The following METTL15 variants were observed in gnomAD, a reference collection of about 807,000 sequenced individuals.
The protein encoded by METTL15 is methyltransferase 15, mitochondrial 12S rRNA N4-cytidine, also known as 12S rRNA N(4)-cytidine methyltransferase METTL15.
A neutral mutation model predicts 38.3 loss-of-function variants in METTL15; 34 were observed. The observed-to-expected ratio is 0.89, with a 90% CI of 0.68 to 1.18. The LOEUF is 1.18. METTL15 is among the 50% of genes most tolerant of loss of function. The probability of loss-of-function intolerance (pLI) is 0.00; values close to 1 mark genes in which losing one functional copy is unlikely to be tolerated. For missense variants in METTL15, 438 were observed against 498.4 expected, an observed-to-expected ratio of 0.88 and a Z score of 1.15; for synonymous variants, 162 against 170.9, an observed-to-expected ratio of 0.95 and a Z score of 0.41.
downstream of METTL15, among the ~76,000 whole-genome samples, chr11:28,529,498 T>A (rs1402664041): frequency 6.6e-6 from 1 of 150,820 alleles, no homozygotes; most frequent in Non-Finnish European, 1.5e-5. Context: ...AGCTGGTACT[T>A]GAAAATGTGG....
chr11:28,141,897 T>C (rs1337559806), intron 3 of METTL15, among the ~76,000 whole-genome samples: 1 of 152,190 alleles, frequency 6.6e-6, no homozygotes, highest in Non-Finnish European at 1.5e-5. Flanking sequence ...GAGGTTAGTT[T>C]TAAGCAGGGA....
Position 28,322,986 on chromosome 11 carries a change from T to C in METTL15, c.779-7410T>C, listed in dbSNP as rs527419520. 4.6e-5 allele frequency among the ~76,000 whole-genome samples: 7 copies of C among 152,300 alleles called. No individual in the cohort carries two copies. The East Asian group carries it at 1.4e-3, about 29-fold the overall frequency. On this transcript the variant is annotated intron_variant, in intron 6 of 6. Transcript: ENST00000407364. The stretch of plus-strand genomic sequence containing the variant: ...AATTAGTTTTTAAAGATAAGTAAAC[T>C]AAGTTGTAGATTATTTTACAGATGA...
chr11:28,176,496 A>G (rs1851079978), intron 3 of METTL15, among the ~76,000 whole-genome samples: 1 of 152,176 alleles, frequency 6.6e-6, no homozygotes, highest in Admixed American at 6.5e-5. Context: ...TTCCTCATCT[A>G]TAAAATTAGT....
At chr11:28,130,300 G>C (rs908979698) in intron 3 of METTL15, among the ~76,000 whole-genome samples, 1 of 152,112 alleles carries the variant, frequency 6.6e-6, no homozygotes, top group Non-Finnish European at 1.5e-5. Flanking sequence ...GACAGAGTGA[G>C]ACCTGGTCTC....
intron 3 of METTL15, among the ~76,000 whole-genome samples, chr11:28,121,259 C>A (rs1278535671): frequency 1.3e-5 from 2 of 152,072 alleles, no homozygotes; most frequent in Admixed American, 6.6e-5. Context: ...GCTTCCCCAG[C>A]ACCAGTATAG....
chr11:28,163,170 G>A (rs1850532314), intron 3 of METTL15, among the ~76,000 whole-genome samples: 1 of 151,992 alleles, frequency 6.6e-6, no homozygotes, highest in Non-Finnish European at 1.5e-5. Context: ...AGTGTGATTT[G>A]TAATACGTAG....
intron 4 of METTL15, among the ~76,000 whole-genome samples, chr11:28,274,039 A>C (rs1262290669): frequency 6.6e-6 from 1 of 152,074 alleles, no homozygotes; most frequent in Non-Finnish European, 1.5e-5. Context: ...GAAATAATAC[A>C]CAGTATTCAC....
At chr11:28,437,665 C>T (rs991043175) in intron 6 of METTL15, among the ~76,000 whole-genome samples, 1 of 152,194 alleles carries the variant, frequency 6.6e-6, no homozygotes, top group African/African-American at 2.4e-5. Context: ...CCTTTTCAGT[C>T]AACCTGAGTC....
At chr11:28,517,066 C>T (rs767546721) in intron 6 of METTL15, 5 of 152,206 alleles carry the variant, frequency 3.3e-5, no homozygotes, top group Non-Finnish European at 5.9e-5. Flanking sequence ...CTCTCTGTTG[C>T]CCTTTCTTTG....
chr11:28,423,089 A>G (rs1034895794), intron 5 of METTL15, among the ~76,000 whole-genome samples: 2 of 152,052 alleles, frequency 1.3e-5, no homozygotes, highest in Non-Finnish European at 2.9e-5. Flanking sequence ...GCAAACAGGT[A>G]TATAAAAATG....
chr11:28,201,613 G>GTGTGTGTGTGTGTGTGTGTA (rs796432312), intron 3 of METTL15, among the ~76,000 whole-genome samples: 11 of 151,346 alleles, frequency 7.3e-5, no homozygotes, highest in African/African-American at 2.7e-4. Context: ...TTGGGAGGGT[G>GTGTGTGTGTGTGTGTGTGTA]TGTGTGTGTG....
intron 5 of METTL15, among the ~76,000 whole-genome samples, chr11:28,294,215 G>A (rs1202618259): frequency 1.3e-5 from 2 of 151,844 alleles, no homozygotes; most frequent in Non-Finnish European, 2.9e-5. Context: ...TCTTACAACA[G>A]CTCTGAAGAA....
chr11:28,342,858 G>A (rs1165019851), intron 3 of METTL15, among the ~76,000 whole-genome samples: 1 of 151,922 alleles, frequency 6.6e-6, no homozygotes, highest in Non-Finnish European at 1.5e-5. Context: ...AGTATGTTCT[G>A]TCACATATCT....
At chr11:28,239,131 A>T (rs36094062) in intron 4 of METTL15, among the ~76,000 whole-genome samples, 9,838 of 152,116 alleles carry the variant, frequency 0.065, 444 homozygotes, top group Non-Finnish European at 0.095. Context: ...CTACACATTG[A>T]TGACTCCAGA....
intron 5 of METTL15, among the ~76,000 whole-genome samples, chr11:28,423,384 G>A (rs1850838073): frequency 6.6e-6 from 1 of 151,844 alleles, no homozygotes; most frequent in Non-Finnish European, 1.5e-5. Context: ...TGTATTGAAT[G>A]AAGAGATACC....
At chr11:28,162,312 A>C (rs1267186782) in intron 3 of METTL15, among the ~76,000 whole-genome samples, 1 of 152,136 alleles carries the variant, frequency 6.6e-6, no homozygotes, top group East Asian at 1.9e-4. Context: ...TAGAGTGTAC[A>C]TTGTCTTGGA....
intron 6 of METTL15, among the ~76,000 whole-genome samples, chr11:28,506,330 A>G (rs1851627352): frequency 6.6e-6 from 1 of 152,224 alleles, no homozygotes; most frequent in Non-Finnish European, 1.5e-5. Context: ...AAATTAGACA[A>G]ACCTGATTTT....
Position 28,166,880 on chromosome 11 carries a change from T to C in METTL15, c.271-44182T>C, listed in dbSNP as rs202050190. 1.7e-4 allele frequency among the ~76,000 whole-genome samples: 26 copies of C among 152,108 alleles called. No homozygotes were observed. The East Asian group carries it at 5.0e-3, about 29-fold the overall frequency. On this transcript the variant is annotated intron_variant, in intron 3 of 6. Coordinates refer to ENST00000407364, the MANE Select transcript of METTL15 (RefSeq NM_001113528.2). ...AGGAGAATCACTTGAACCTGGGAGG[T>C]GGAAGCTGCATTGAGTCAAGATCGT... is the stretch of plus-strand genomic sequence containing the variant.
At chr11:28,449,534 T>C (rs968920094) in intron 6 of METTL15, among the ~76,000 whole-genome samples, 1 of 152,218 alleles carries the variant, frequency 6.6e-6, no homozygotes, top group African/African-American at 2.4e-5. Context: ...TTTATGAACC[T>C]TCTGCCTTGG....
Sources: allele counts gnomAD v4.1 joint callset (sites outside exome capture counted in the v4.1 genomes callset), GRCh38; gene constraint gnomAD v4.1.1; transcripts MANE v1.5; gene names NCBI Gene and HGNC (gene_info 2026-07-23, HGNC 2026-07-21).